The following ZFPM1 variants were observed in gnomAD, a reference collection of about 807,000 sequenced individuals.
The protein encoded by ZFPM1 is zinc finger protein ZFPM1.
In ZFPM1, 28 loss-of-function variants were observed where a neutral mutation model predicts 46.3. The observed-to-expected ratio is 0.60, with a 90% CI of 0.45 to 0.83. The LOEUF is 0.83. Among genes scored for constraint, ZFPM1 ranks in the 40% least tolerant of loss-of-function variants. The pLI, the probability that ZFPM1 is intolerant of heterozygous loss-of-function variation, is 0.00. For missense variants in ZFPM1, 1,878 were observed against 1,432.4 expected (o/e 1.31, Z -5.02); for synonymous variants, 957 against 675.9 (o/e 1.42, Z -6.45).
rs1181542450 is a variant in ZFPM1 at position 88,534,205 on chromosome 16, G to A, written c.2247G>A (p.Leu749=). ...RTRRRRKLYE[L]HAAGAPPPPP... Reference sequence around the variant, plus strand: ...GCAGACGCCGCAAGCTCTACGAGCTGCACGCGGCCGGCGCCCCGCCCCCCC... The same window carrying A: ...GCAGACGCCGCAAGCTCTACGAGCTACACGCGGCCGGCGCCCCGCCCCCCC... Residue 749 remains leucine, a synonymous_variant, in exon 10 of 10, where the codon CTG becomes CTA. Coordinates refer to ENST00000319555, the MANE Select transcript of ZFPM1 (RefSeq NM_153813.3). 3.1e-6 allele frequency: 3 copies of A among 982,936 alleles called. No individual in the cohort carries two copies. The highest frequency in any genetic ancestry group is 1.8e-5 in the African/African-American group (1 of 56,032). The allele number at this position is 982,936 out of a possible 1,614,324, so 60.9% of individuals were successfully genotyped here.
chr16:88,527,571 G>A (rs11642794), intron 5 of ZFPM1, among the ~76,000 whole-genome samples: 9,105 of 152,126 alleles, frequency 0.06, 638 homozygotes, highest in African/African-American at 0.17. Flanking sequence ...CACACAGCCC[G>A]GGCGCCCCAG....
rs1230310017 is a variant in ZFPM1, at chr16:88,534,727, G to C, written c.2769G>C (p.Pro923=). The C allele has an allele frequency of 3.1e-6, 3 of 979,566 alleles. No individual in the cohort carries two copies. The highest frequency in any genetic ancestry group is 3.6e-6 in the Non-Finnish European group (3 of 827,778). The allele number at this position is 979,566 out of a possible 1,614,324, so 60.7% of individuals were successfully genotyped here. A position where few individuals can be genotyped will look rare whatever the true frequency, so the allele number is the denominator to read the frequency against. Residue 923 remains proline, a synonymous_variant, in exon 10 of 10, where the codon CCG becomes CCC. Coordinates refer to ENST00000319555, the MANE Select transcript of ZFPM1 (RefSeq NM_153813.3). ...GSRGPRDGLG[P]EPQEPPPGPP... is the part of the protein sequence containing the mutation. The stretch of plus-strand genomic sequence containing the variant: ...GTGGCCCCCGGGACGGCCTCGGCCC[G>C]GAGCCCCAGGAGCCGCCGCCCGGCC...
chr16:88,465,618 C>T (rs567076255), intron 1 of ZFPM1, among the ~76,000 whole-genome samples: 154 of 152,292 alleles, frequency 1.0e-3, no homozygotes, highest in Middle Eastern at 3.4e-3. Context: ...TGTGGAGGGC[C>T]CAGGCAGAGT....
intron 1 of ZFPM1, among the ~76,000 whole-genome samples, chr16:88,472,095 T>A (rs11859757): frequency 6.6e-6 from 1 of 152,126 alleles, no homozygotes; most frequent in Non-Finnish European, 1.5e-5. Flanking sequence ...TGGCCGCCGG[T>A]AACCCCACCC....
intron 1 of ZFPM1, among the ~76,000 whole-genome samples, chr16:88,457,894 C>T (rs551621042): frequency 4.6e-5 from 7 of 152,158 alleles, no homozygotes; most frequent in Non-Finnish European, 7.3e-5. Context: ...CCGGAGTCCA[C>T]GCCGTCACCC....
rs886117697 is a variant in ZFPM1 at position 88,536,425 on chromosome 16, C to T, written c.*1446C>T. Reference sequence around the variant, plus strand: ...CTGACCTCCAGTGCTCCTGCAGCCTCAGCCTCCCAGAACATTAGGATGACA... The same window carrying T: ...CTGACCTCCAGTGCTCCTGCAGCCTTAGCCTCCCAGAACATTAGGATGACA... On this transcript the variant is annotated 3_prime_UTR_variant, in exon 10 of 10. Transcript: ENST00000319555. 1 of 152,264 alleles carries T rather than the reference C, an allele frequency of 6.6e-6. No individual in the cohort carries two copies. The highest frequency in any genetic ancestry group is 1.5e-5 in the Non-Finnish European group (1 of 68,050). The allele number at this position is 152,264 out of a possible 1,614,324, so 9.4% of individuals were successfully genotyped here.
rs550937835 is a variant in ZFPM1, at chr16:88,536,839, C to G, written c.*1860C>G. The G allele has an allele frequency of 6.6e-6, 1 of 152,354 alleles. No homozygotes were observed. Among genetic ancestry groups the G allele is most frequent in the Admixed American group, 6.5e-5 (1 of 15,302 alleles). 9.4% of individuals were successfully genotyped at this position (152,354 alleles called of 1,614,324 possible). The stretch of plus-strand genomic sequence containing the variant: ...TGATAGCGGGGACGGGAGGCACGGA[C>G]CCCTCAAGTCTGCTCATCATTTGCA... On this transcript the variant is annotated 3_prime_UTR_variant, in exon 10 of 10. Coordinates refer to ENST00000319555, the MANE Select transcript of ZFPM1 (RefSeq NM_153813.3).
At chr16:88,505,929 C>T (rs1261035749) in intron 3 of ZFPM1, among the ~76,000 whole-genome samples, 1 of 152,198 alleles carries the variant, frequency 6.6e-6, no homozygotes, top group Non-Finnish European at 1.5e-5. Context: ...ACCCCCCGCA[C>T]CCCCAGCCCC....
rs1908306662 is a variant in ZFPM1, at chr16:88,469,296, C to G, written c.40+15618C>G. ...ATCTTAATGAATGACAGTCCCAACC[C>G]CTTTGCCCACCCTCAGCCTCCCCAT... On this transcript the variant is annotated intron_variant, in intron 1 of 9. Transcript: ENST00000319555. The surrounding 1 kb of genome is among the most constrained non-coding windows in gnomAD (Gnocchi z 4.3). 6.6e-6 allele frequency among the ~76,000 whole-genome samples: 1 copy of G among 152,220 alleles called. No homozygotes were observed. The highest frequency in any genetic ancestry group is 2.4e-5 in the African/African-American group (1 of 41,446).
rs185712603 is a variant in ZFPM1, at chr16:88,494,199, G to C, written c.268+5046G>C. ...ATTGGGGGGTGCGGGCAGGTTCTAC[G>C]GGGAGAAGCCGCCATCTGCAACCTG... On this transcript the variant is annotated intron_variant, in intron 3 of 9. Coordinates refer to ENST00000319555, the MANE Select transcript of ZFPM1 (RefSeq NM_153813.3). 1.7e-3 allele frequency among the ~76,000 whole-genome samples: 262 copies of C among 152,206 alleles called. 1 individual carries two copies. The highest frequency in any genetic ancestry group is 5.7e-3 in the African/African-American group (238 of 41,530).
intron 1 of ZFPM1, among the ~76,000 whole-genome samples, chr16:88,459,604 CCTCCCCCTCCT>C (rs1163349687): frequency 5.2e-5 from 6 of 115,584 alleles, no homozygotes; most frequent in Non-Finnish European, 8.9e-5. Flanking sequence ...TCCTCTTTCT[CCTCCCCCTCCT>C]CTCCCTCCTC....
chr16:88,535,042 C>G lies in ZFPM1; in HGVS notation c.*63C>G. 7.4e-7 allele frequency: 1 copy of G among 1,349,884 alleles called. No individual in the cohort carries two copies. The highest frequency in any genetic ancestry group is 9.6e-7 in the Non-Finnish European group (1 of 1,043,918). The allele number at this position is 1,349,884 out of a possible 1,614,324, so 83.6% of individuals were successfully genotyped here. On this transcript the variant is annotated 3_prime_UTR_variant, in exon 10 of 10. Coordinates refer to ENST00000319555, the MANE Select transcript of ZFPM1 (RefSeq NM_153813.3). ...GCTGCGATGCGGGGAGGGGGCCGCCCCCAGGCCGCACGGACTGCCGCTCCT... is the reference window on the plus strand; with the variant it reads ...GCTGCGATGCGGGGAGGGGGCCGCCGCCAGGCCGCACGGACTGCCGCTCCT...
intron 4 of ZFPM1, among the ~76,000 whole-genome samples, chr16:88,521,703 C>T (rs1911903748): frequency 7.1e-6 from 1 of 140,526 alleles, no homozygotes; most frequent in Non-Finnish European, 1.6e-5. Context: ...CATGCTGTTC[C>T]CTCTCCCCTG....
intron 3 of ZFPM1, among the ~76,000 whole-genome samples, chr16:88,495,782 G>C (rs1909898040): frequency 6.6e-6 from 1 of 152,192 alleles, no homozygotes; most frequent in Admixed American, 6.5e-5. Context: ...CCACTTGGGG[G>C]CCAGGGTGGT....
chr16:88,507,683 C>T (rs35836313), intron 3 of ZFPM1, among the ~76,000 whole-genome samples: 25,804 of 152,180 alleles, frequency 0.17, 2,399 homozygotes, highest in East Asian at 0.29. Flanking sequence ...ATGTGGGCCT[C>T]GGGGAGAAGT....
chr16:88,501,517 G>C (rs1385017459), intron 3 of ZFPM1, among the ~76,000 whole-genome samples: 4 of 145,374 alleles, frequency 2.8e-5, no homozygotes, highest in Non-Finnish European at 6.0e-5. Flanking sequence ...GGTGATGATA[G>C]AGATAGCAGA....
upstream of ZFPM1, among the ~76,000 whole-genome samples, chr16:88,452,977 G>A (rs1160839205): frequency 6.6e-6 from 1 of 151,842 alleles, no homozygotes; most frequent in African/African-American, 2.4e-5. Flanking sequence ...CCAGGAAGGG[G>A]CGGGGCATCG....
chr16:88,463,303 G>T (rs1487712590), intron 1 of ZFPM1, among the ~76,000 whole-genome samples: 2 of 152,208 alleles, frequency 1.3e-5, no homozygotes, highest in African/African-American at 4.8e-5. Flanking sequence ...CCAGGTGCCT[G>T]CAGCTGCCCC....
intron 1 of ZFPM1, among the ~76,000 whole-genome samples, chr16:88,467,792 G>A (rs1489533772): frequency 2.0e-5 from 3 of 152,100 alleles, no homozygotes; most frequent in African/African-American, 7.2e-5. Flanking sequence ...GGGAGGTGGG[G>A]GTGGGGTGTT....
Sources: allele counts gnomAD v4.1 joint callset (sites outside exome capture counted in the v4.1 genomes callset), GRCh38; gene constraint gnomAD v4.1.1; non-coding constraint Gnocchi (gnomAD v3.1); transcripts MANE v1.5; gene names NCBI Gene and HGNC (gene_info 2026-07-23, HGNC 2026-07-21).